Variants in PXDNL observed in about 807,000 individuals in gnomAD.
The protein encoded by PXDNL is probable oxidoreductase PXDNL.
A neutral mutation model predicts 150.8 loss-of-function variants in PXDNL; 145 were observed. The observed-to-expected ratio is 0.96, with a 90% CI of 0.84 to 1.10. The LOEUF (loss-of-function observed/expected upper bound fraction) is 1.10, where lower values mean the gene tolerates loss of function less well. PXDNL is among the 50% of genes least tolerant of loss of function. The probability of loss-of-function intolerance (pLI) is 0.00; values close to 1 mark genes in which losing one functional copy is unlikely to be tolerated. For missense variants in PXDNL, 2,087 were observed against 1,873.9 expected (o/e 1.11, Z -2.10); for synonymous variants, 757 against 725.7 (o/e 1.04, Z -0.69).
chr8:51,637,868 T>C (rs1400187259), intron 2 of PXDNL, among the ~76,000 whole-genome samples: 3 of 152,018 alleles, frequency 2.0e-5, no homozygotes, highest in Non-Finnish European at 4.4e-5. Context: ...AAGATACTCC[T>C]CAAGAAGAGC....
intron 3 of PXDNL, among the ~76,000 whole-genome samples, chr8:51,560,695 G>T (rs1009035661): frequency 2.0e-5 from 3 of 151,878 alleles, no homozygotes; most frequent in African/African-American, 7.2e-5. Flanking sequence ...GAAACATACA[G>T]AGAAAGCTCC....
At chr8:51,452,470 A>T (rs963598432) in intron 10 of PXDNL, among the ~76,000 whole-genome samples, 3 of 152,164 alleles carry the variant, frequency 2.0e-5, no homozygotes, top group Non-Finnish European at 4.4e-5. Context: ...ATCTATTGCT[A>T]TTAAAGGAGT....
intron 1 of PXDNL, among the ~76,000 whole-genome samples, chr8:51,689,890 A>C (rs1472547378): frequency 6.6e-6 from 1 of 152,242 alleles, no homozygotes; most frequent in Non-Finnish European, 1.5e-5. Context: ...CCTTCGGCAC[A>C]GGTTCACTGC....
At chr8:51,405,859 T>G (rs1808421808) in intron 17 of PXDNL, among the ~76,000 whole-genome samples, 1 of 152,224 alleles carries the variant, frequency 6.6e-6, no homozygotes, top group Non-Finnish European at 1.5e-5. Context: ...AGCACCAGGC[T>G]GCATAGAGTT....
At chr8:51,326,022 A>G (rs1805472863) in intron 21 of PXDNL, among the ~76,000 whole-genome samples, 1 of 152,126 alleles carries the variant, frequency 6.6e-6, no homozygotes, top group East Asian at 1.9e-4. Flanking sequence ...TGATGTGCTC[A>G]GGTTGCTGGC....
chr8:51,721,279 C>T (rs1341366171), intron 1 of PXDNL, among the ~76,000 whole-genome samples: 1 of 152,228 alleles, frequency 6.6e-6, no homozygotes, highest in Non-Finnish European at 1.5e-5. Context: ...GCAAAGAACT[C>T]TATTCATCTT....
chr8:51,565,984 G>A (rs963354919), intron 3 of PXDNL, among the ~76,000 whole-genome samples: 3 of 151,630 alleles, frequency 2.0e-5, no homozygotes, highest in East Asian at 1.9e-4. Flanking sequence ...GAGTACCCTC[G>A]CTTCCTAGTT....
At chr8:51,657,519 C>A (rs987809425) in intron 1 of PXDNL, among the ~76,000 whole-genome samples, 19 of 152,164 alleles carry the variant, frequency 1.2e-4, no homozygotes, top group Admixed American at 3.3e-4. Context: ...GATTCCTTTA[C>A]TGACAGACAG....
rs576366806 is a variant in PXDNL at position 51,461,021 on chromosome 8, G to A, written c.813-3354C>T. On this transcript the variant is annotated intron_variant, in intron 8 of 22. Coordinates refer to ENST00000356297, the MANE Select transcript of PXDNL (RefSeq NM_144651.5). ...CACCCACCCAGCTGCTCCCATAAAA[G>A]CATGCACACTACACAGCCTCCACTA... 3.3e-5 allele frequency among the ~76,000 whole-genome samples: 5 copies of A among 152,260 alleles called. No homozygotes were observed. In the South Asian group the frequency reaches 8.3e-4, roughly 25 times the overall value.
At chr8:51,603,712 T>C (rs988956889) in intron 2 of PXDNL, among the ~76,000 whole-genome samples, 12 of 152,264 alleles carry the variant, frequency 7.9e-5, no homozygotes, top group African/African-American at 2.6e-4. Context: ...GACCTAATAA[T>C]AGTAGATAAT....
intron 1 of PXDNL, among the ~76,000 whole-genome samples, chr8:51,749,186 G>A (rs1028895793): frequency 1.3e-5 from 2 of 152,196 alleles, no homozygotes; most frequent in Admixed American, 6.5e-5. Flanking sequence ...AATGTCTGCA[G>A]ATGATTATAT....
chr8:51,772,294 C>G (rs561652708), intron 1 of PXDNL, among the ~76,000 whole-genome samples: 2 of 151,886 alleles, frequency 1.3e-5, no homozygotes, highest in South Asian at 4.2e-4. Context: ...GTCACACCTC[C>G]TTGCATGCCC....
rs138267165 is a variant in PXDNL at position 51,544,305 on chromosome 8, G to A, written c.380+12535C>T. On this transcript the variant is annotated intron_variant, in intron 4 of 22. Transcript: ENST00000356297. ...CTCCAGCAGATGGTGCAGGTAGGTG[G>A]GGAGGGGTGAGGCCTGATAATAAAT... is the stretch of plus-strand genomic sequence containing the variant. Among the ~76,000 whole-genome samples the A allele has an allele frequency of 6.9e-3, 1,044 of 152,224 alleles. 8 individuals carry two copies. The highest frequency in any genetic ancestry group is 0.011 in the South Asian group (55 of 4,812).
chr8:51,758,554 G>C (rs4418329), intron 1 of PXDNL, among the ~76,000 whole-genome samples: 26,616 of 152,184 alleles, frequency 0.17, 2,701 homozygotes, highest in Non-Finnish European at 0.22. Flanking sequence ...AGGGCGAGAC[G>C]TACTGGAGAT....
chr8:51,486,581 C>A (rs1473227496), intron 5 of PXDNL, among the ~76,000 whole-genome samples: 3 of 151,122 alleles, frequency 2.0e-5, no homozygotes, highest in Non-Finnish European at 4.4e-5. Context: ...GCATGGGGTG[C>A]AAAAATGTAT....
chr8:51,628,349 CTTTCT>C (rs1814407352), intron 2 of PXDNL, among the ~76,000 whole-genome samples: 4 of 140,042 alleles, frequency 2.9e-5, no homozygotes, highest in Non-Finnish European at 6.3e-5. Context: ...TTCTTTCTTT[CTTTCT>C]TTTCTTTCTT....
At chr8:51,521,636 G>C in intron 4 of PXDNL, among the ~76,000 whole-genome samples, 1 of 151,916 alleles carries the variant, frequency 6.6e-6, no homozygotes. Flanking sequence ...CAAATATCAA[G>C]CTAAAACTCT....
chr8:51,441,442 T>A (rs1289678552), intron 12 of PXDNL, among the ~76,000 whole-genome samples: 1 of 152,176 alleles, frequency 6.6e-6, no homozygotes, highest in East Asian at 1.9e-4. Flanking sequence ...TAGTTAGATG[T>A]CTGCTTGGTC....
chr8:51,370,095 G>C lies in PXDNL; in HGVS notation c.3901+1778C>G, dbSNP rs529121371. On this transcript the variant is annotated intron_variant, in intron 19 of 22. Coordinates refer to ENST00000356297, the MANE Select transcript of PXDNL (RefSeq NM_144651.5). ...GTCAGCTGTGGGACCTTAGAAAATG[G>C]ATTTAGTTTCCAGGAGCCTTATTTT... Among the ~76,000 whole-genome samples, 3 of 152,324 alleles carry C rather than the reference G, an allele frequency of 2.0e-5. No individual in the cohort carries two copies. In the South Asian group the frequency reaches 6.2e-4, roughly 32 times the overall value.
Sources: gnomAD v4.1 joint callset for allele counts (sites outside exome capture counted in the v4.1 genomes callset) on GRCh38, gnomAD v4.1.1 for gene constraint, MANE v1.5 for transcripts, NCBI Gene and HGNC (gene_info 2026-07-23, HGNC 2026-07-21) for gene names.